The following FBXO42 variants were observed in gnomAD, a reference collection of about 807,000 sequenced individuals.
The protein encoded by FBXO42 is F-box only protein 42.
Under a neutral mutation model 71.7 loss-of-function variants are expected in FBXO42, and 12 were observed. The ratio of observed to expected loss-of-function variants is 0.17; its 90% CI spans 0.11 to 0.27. The LOEUF (loss-of-function observed/expected upper bound fraction) is 0.27. Ranked by LOEUF, FBXO42 falls within the 10% of genes least tolerant of loss-of-function variation. The pLI is 1.00. For synonymous variants in FBXO42, 325 were observed against 327.5 expected (o/e 0.99, Z 0.08); for missense variants, 707 against 911.9 (o/e 0.78, Z 2.89).
chr1:16,249,676 G>A lies in FBXO42; in HGVS notation c.*994C>T, dbSNP rs2081571256. On this transcript the variant is annotated 3_prime_UTR_variant, in exon 10 of 10. Transcript: ENST00000375592. ...CCTACTGGCCCCCTAGTGACACCAG[G>A]GAAAGGGTTCCACAAGTATTTCTAA... is the stretch of plus-strand genomic sequence containing the variant. 6.6e-6 allele frequency: 1 copy of A among 152,016 alleles called. No homozygotes were observed. Among genetic ancestry groups the A allele is most frequent in the Admixed American group, 6.6e-5 (1 of 15,252 alleles). 9.4% of individuals were successfully genotyped at this position (152,016 alleles called of 1,614,324 possible). A position where few individuals can be genotyped will look rare whatever the true frequency, so the allele number is the denominator to read the frequency against.
Position 16,253,519 on chromosome 1 carries a change from T to C in FBXO42, c.864+116A>G. ...AATAAATACCAGTAAAAAAGAATGA[T>C]ACATTTTCTTTGGCTTAGTGCATAT... On this transcript the variant is annotated intron_variant, in intron 7 of 9. Coordinates refer to ENST00000375592, the MANE Select transcript of FBXO42 (RefSeq NM_018994.3). 3.8e-6 allele frequency: 3 copies of C among 787,956 alleles called. No individual in the cohort carries two copies. In the Admixed American group the frequency reaches 8.5e-5, roughly 22 times the overall value. The allele number at this position is 787,956 out of a possible 1,614,324, so 48.8% of individuals were successfully genotyped here.
chr1:16,314,599 C>A (rs1406964324), intron 2 of FBXO42, among the ~76,000 whole-genome samples: 2 of 152,184 alleles, frequency 1.3e-5, no homozygotes, highest in Admixed American at 6.5e-5. Flanking sequence ...ATCCCATATC[C>A]ATTTCTATTT....
At chr1:16,304,888 G>T (rs1290642040) in intron 3 of FBXO42, among the ~76,000 whole-genome samples, 1 of 152,040 alleles carries the variant, frequency 6.6e-6, no homozygotes, top group Non-Finnish European at 1.5e-5. Flanking sequence ...AGAATCATTT[G>T]AACCCAAGAG....
intron 3 of FBXO42, among the ~76,000 whole-genome samples, chr1:16,302,670 C>T (rs1425040401): frequency 1.3e-5 from 2 of 152,084 alleles, no homozygotes; most frequent in Non-Finnish European, 1.5e-5. Flanking sequence ...CCACCAGGCC[C>T]GGCTAATTTT....
chr1:16,286,011 C>T (rs531472366), intron 4 of FBXO42, among the ~76,000 whole-genome samples: 82 of 152,124 alleles, frequency 5.4e-4, no homozygotes, highest in African/African-American at 4.8e-5. Flanking sequence ...ATCAGCCTTC[C>T]GAGCAGCTGG....
intron 1 of FBXO42, among the ~76,000 whole-genome samples, chr1:16,327,433 GC>G (rs1305327673): frequency 6.6e-6 from 1 of 152,160 alleles, no homozygotes; most frequent in Non-Finnish European, 1.5e-5. Flanking sequence ...ACTGTCAGAA[GC>G]CTAGCTGAAA....
chr1:16,310,051 C>A (rs537291328), intron 2 of FBXO42, among the ~76,000 whole-genome samples: 1 of 151,782 alleles, frequency 6.6e-6, no homozygotes, highest in Non-Finnish European at 1.5e-5. Flanking sequence ...AAAAATTAGC[C>A]GGGTGTGGTG....
intron 4 of FBXO42, among the ~76,000 whole-genome samples, chr1:16,257,860 T>A (rs889903739): frequency 6.6e-6 from 1 of 152,226 alleles, no homozygotes; most frequent in Non-Finnish European, 1.5e-5. Context: ...GTTGCATTTT[T>A]AGTTGAGATG....
intron 1 of FBXO42, among the ~76,000 whole-genome samples, chr1:16,326,281 C>G (rs2082450742): frequency 6.6e-6 from 1 of 151,468 alleles, no homozygotes; most frequent in Admixed American, 6.6e-5. Context: ...GTCTCGAACT[C>G]CCGACCTCAG....
chr1:16,320,093 C>T lies in FBXO42; in HGVS notation c.-17-4658G>A, dbSNP rs145703255. 5.9e-5 allele frequency among the ~76,000 whole-genome samples: 9 copies of T among 152,068 alleles called. No individual in the cohort carries two copies. The East Asian group carries it at 1.7e-3, about 29-fold the overall frequency. ...AACGTACAGTCGCCGAGCATGGTGG[C>T]TCACGCGTGTAATCCCAGCACTCTG... is the stretch of plus-strand genomic sequence containing the variant. On this transcript the variant is annotated intron_variant, in intron 1 of 9. Transcript: ENST00000375592.
intron 4 of FBXO42, among the ~76,000 whole-genome samples, chr1:16,270,466 G>C (rs1288541490): frequency 6.6e-6 from 1 of 151,984 alleles, no homozygotes; most frequent in African/African-American, 2.4e-5. Flanking sequence ...AATTCCCAAG[G>C]GAAGATTGGG....
In FBXO42 at chr1:16,251,190, C is replaced by T. The variant is rs764847727; in HGVS notation, c.1634G>A (p.Ser545Asn). 2.6e-5 allele frequency: 42 copies of T among 1,614,040 alleles called. No individual in the cohort carries two copies. The highest frequency in any genetic ancestry group is 3.5e-5 in the Non-Finnish European group (41 of 1,180,026). ...TGGGGAGACGGCCCCTGCAAGGGCA[C>T]TGGCCACGTGAGGTGGGGTATGCAC... ...NGVHTPPHVA[S>N]ALAGAVSPGA... The change falls in exon 10 of 10, where the codon AGT (serine) becomes AAT (asparagine). Residue 545 changes from serine (S) to asparagine (N), a missense_variant. Around this residue, in one of 5 missense-constraint regions of FBXO42, gnomAD observed 482 missense variants for 587.1 expected, o/e 0.82. Transcript: ENST00000375592. This position sits in a 1 kb window ranked among gnomAD's most constrained non-coding sequence, Gnocchi z 4.5.
intron 3 of FBXO42, 47 bp from the exon 4 acceptor site, chr1:16,294,964 T>C: frequency 6.5e-7 from 1 of 1,539,598 alleles, no homozygotes; most frequent in Non-Finnish European, 8.8e-7. Context: ...TCTGAGGCCC[T>C]TCCAACATTT....
rs1041200906 is a variant in FBXO42, at chr1:16,348,032, G to T, written c.-18+4223C>A. On this transcript the variant is annotated intron_variant, in intron 1 of 9. Coordinates refer to ENST00000375592, the MANE Select transcript of FBXO42 (RefSeq NM_018994.3). ...AAAGAAAAAAAGAAAAGAAAGACTT[G>T]CCTATAAGTCATAAGCTATATTATA... 1.6e-4 allele frequency among the ~76,000 whole-genome samples: 24 copies of T among 150,964 alleles called. 1 individual carries two copies. Among genetic ancestry groups the T allele is most frequent in the African/African-American group, 5.8e-4 (24 of 41,094 alleles).
At position 16,315,350 on chromosome 1, in the gene FBXO42, T is replaced by G. The variant is rs755640931; in HGVS notation, c.69A>C (p.Glu23Asp). 13 of 1,614,054 alleles carry G rather than the reference T, an allele frequency of 8.1e-6. No individual in the cohort carries two copies. The Admixed American group carries it at 1.2e-4, about 14-fold the overall frequency. ...MAVDQEETVL[E>D]GTMDQDEEPH... Reference sequence around the variant, plus strand: ...GCTCCTCATCTTGATCCATTGTCCCTTCCAGCACAGTTTCTTCCTGGTCCA... The same window carrying G: ...GCTCCTCATCTTGATCCATTGTCCCGTCCAGCACAGTTTCTTCCTGGTCCA... Residue 23 changes from glutamate (E) to aspartate (D), a missense_variant, in exon 2 of 10, where the codon GAA becomes GAC. By Grantham distance (45) the Glu-to-Asp change is conservative (BLOSUM62 2). Transcript: ENST00000375592.
At chr1:16,330,349 C>G (rs1490999436) in intron 1 of FBXO42, among the ~76,000 whole-genome samples, 1 of 142,374 alleles carries the variant, frequency 7.0e-6, no homozygotes, top group Non-Finnish European at 1.6e-5. Context: ...AGACTAGGCC[C>G]TGTTTCCACA....
Position 16,255,832 on chromosome 1 carries a change from A to C in FBXO42, c.657-11T>G. 1 of 1,603,992 alleles carries C rather than the reference A, an allele frequency of 6.2e-7. No individual in the cohort carries two copies. The highest frequency in any genetic ancestry group is 1.1e-5 in the South Asian group (1 of 89,740). ...ACAATGCAGTTCCACCTAATGTAAA[A>C]AGACAGGAGGAAGTCAAGAAGTCAG... On this transcript the variant is annotated splice_polypyrimidine_tract_variant and intron_variant, in intron 5 of 9. Transcript: ENST00000375592.
intron 3 of FBXO42, among the ~76,000 whole-genome samples, chr1:16,296,814 G>A (rs1158320904): frequency 2.0e-5 from 3 of 151,842 alleles, no homozygotes; most frequent in South Asian, 4.1e-4. Flanking sequence ...CTAGTTACCC[G>A]AGTTCAGAAA....
At chr1:16,276,375 G>A (rs2081903170) in intron 4 of FBXO42, among the ~76,000 whole-genome samples, 1 of 122,560 alleles carries the variant, frequency 8.2e-6, no homozygotes, top group Non-Finnish European at 1.7e-5. Context: ...CCGACACTCT[G>A]TCTCAAAAAA....
Sources: allele counts gnomAD v4.1 joint callset (sites outside exome capture counted in the v4.1 genomes callset), GRCh38; gene constraint gnomAD v4.1.1; regional missense constraint gnomAD v4.1.1; non-coding constraint Gnocchi (gnomAD v3.1); transcripts MANE v1.5; gene names NCBI Gene and HGNC (gene_info 2026-07-23, HGNC 2026-07-21).